Variants in PCDH9 observed in about 807,000 individuals in gnomAD.
PCDH9 encodes protocadherin 9.
A neutral mutation model predicts 70.6 loss-of-function variants in PCDH9; 24 were observed. The observed-to-expected ratio is 0.34, with a 90% CI of 0.25 to 0.48. The LOEUF is 0.48. Among genes scored for constraint, PCDH9 ranks in the 20% least tolerant of loss-of-function variants. The pLI is 0.99. For synonymous variants in PCDH9, 562 were observed against 558.5 expected (o/e 1.01, Z -0.09); for missense variants, 1,281 against 1,503.6 (o/e 0.85, Z 2.45).
At chr13:66,598,152 G>A (rs1018728173) in intron 4 of PCDH9, among the ~76,000 whole-genome samples, 5 of 151,688 alleles carry the variant, frequency 3.3e-5, no homozygotes, top group African/African-American at 1.2e-4. Context: ...AAAATGGCGT[G>A]ACCACTACAG....
At chr13:66,736,760 T>C (rs1440610296) in intron 3 of PCDH9, among the ~76,000 whole-genome samples, 1 of 152,048 alleles carries the variant, frequency 6.6e-6, no homozygotes, top group Non-Finnish European at 1.5e-5. Flanking sequence ...CTTACAAGAG[T>C]CTCATTTCTA....
chr13:67,087,282 A>T (rs1566415850), intron 2 of PCDH9, among the ~76,000 whole-genome samples: 1 of 151,542 alleles, frequency 6.6e-6, no homozygotes. Flanking sequence ...TGTGCTAAAA[A>T]CTCTCACTAG....
Position 67,007,812 on chromosome 13 carries a change from G to A in PCDH9, c.3037-104207C>T, listed in dbSNP as rs1431455287. 3.3e-5 allele frequency among the ~76,000 whole-genome samples: 5 copies of A among 152,084 alleles called. No individual in the cohort carries two copies. The East Asian group carries it at 9.6e-4, about 29-fold the overall frequency. Reference sequence around the variant, plus strand: ...GCATATGGTTAACACTTTTCTCCAGGTGTCTTTCCTGAATTTGAGAGTGGT... The same window carrying A: ...GCATATGGTTAACACTTTTCTCCAGATGTCTTTCCTGAATTTGAGAGTGGT... On this transcript the variant is annotated intron_variant, in intron 2 of 4. Coordinates refer to ENST00000377865, the MANE Select transcript of PCDH9 (RefSeq NM_203487.3).
rs181570286 is a variant in PCDH9 at position 66,331,388 on chromosome 13, G to A, written c.3341-26360C>T. Reference sequence around the variant, plus strand: ...ATTATTATGGGAGCCCTCTGGCCCCGAACTTCATGAGCGCCAGAGGAGAAG... The same window carrying A: ...ATTATTATGGGAGCCCTCTGGCCCCAAACTTCATGAGCGCCAGAGGAGAAG... On this transcript the variant is annotated intron_variant, in intron 4 of 4. Coordinates refer to ENST00000377865, the MANE Select transcript of PCDH9 (RefSeq NM_203487.3). 2.1e-3 allele frequency among the ~76,000 whole-genome samples: 326 copies of A among 152,146 alleles called. 2 individuals carry two copies. The highest frequency in any genetic ancestry group is 2.1e-3 in the South Asian group (10 of 4,824).
At chr13:66,870,551 A>G (rs2081658561) in intron 3 of PCDH9, among the ~76,000 whole-genome samples, 1 of 152,208 alleles carries the variant, frequency 6.6e-6, no homozygotes, top group Non-Finnish European at 1.5e-5. Flanking sequence ...GAAAAAAACA[A>G]ACAACCCCAT....
At chr13:67,092,964 A>G (rs977961570) in intron 2 of PCDH9, among the ~76,000 whole-genome samples, 1 of 152,140 alleles carries the variant, frequency 6.6e-6, no homozygotes, top group Non-Finnish European at 1.5e-5. Flanking sequence ...GAAGGGGGAA[A>G]AAAAAACTAT....
chr13:66,609,212 C>T (rs1244251823), intron 4 of PCDH9, among the ~76,000 whole-genome samples: 1 of 152,006 alleles, frequency 6.6e-6, no homozygotes, highest in Admixed American at 6.6e-5. Flanking sequence ...GTCTATCTGC[C>T]TGCAGTTAAT....
At chr13:66,578,970 T>C (rs1160331260) in intron 4 of PCDH9, among the ~76,000 whole-genome samples, 1 of 152,084 alleles carries the variant, frequency 6.6e-6, no homozygotes, top group Non-Finnish European at 1.5e-5. Context: ...TGCAATTCCA[T>C]CATTGACCCT....
intron 2 of PCDH9, among the ~76,000 whole-genome samples, chr13:67,053,142 A>G (rs1313795403): frequency 6.6e-6 from 1 of 152,050 alleles, no homozygotes; most frequent in African/African-American, 2.4e-5. Flanking sequence ...AGCACAATCT[A>G]CAAGCAGAAA....
At chr13:66,647,189 G>A (rs574793220) in intron 3 of PCDH9, among the ~76,000 whole-genome samples, 2 of 152,274 alleles carry the variant, frequency 1.3e-5, no homozygotes, top group East Asian at 1.9e-4. Flanking sequence ...TTGGGGAGTA[G>A]GTGACTTAGT....
Position 67,227,167 on chromosome 13 carries a change from G to A in PCDH9, c.1274C>T (p.Ser425Phe), listed in dbSNP as rs754719709. 2 of 1,613,454 alleles carry A rather than the reference G, an allele frequency of 1.2e-6. No individual in the cohort carries two copies. The highest frequency in any genetic ancestry group is 2.2e-5 in the South Asian group (2 of 91,064). The change falls in exon 2 of 5, where the codon TCT becomes TTT. Residue 425 changes from serine to phenylalanine, a missense_variant. This residue lies in a region of PCDH9 where 798 missense variants were observed against 1,003.1 expected (regional missense o/e 0.80). Coordinates refer to ENST00000377865, the MANE Select transcript of PCDH9 (RefSeq NM_203487.3). The surrounding 1 kb of genome is among the most constrained non-coding windows in gnomAD (Gnocchi z 4.6). ...YDNQYLLETS[S>F]LLDYEGTKEF... is the part of the protein sequence containing the mutation. ...TTTGGTGCCCTCATAGTCCAACAAA[G>A]AAGAGGTCTCTAACAAATATTGGTT...
At chr13:66,340,590 T>C (rs552874054) in intron 4 of PCDH9, among the ~76,000 whole-genome samples, 19 of 152,324 alleles carry the variant, frequency 1.2e-4, no homozygotes, top group African/African-American at 4.1e-4. Flanking sequence ...TATGTGCCAC[T>C]TCACACTTCA....
intron 2 of PCDH9, among the ~76,000 whole-genome samples, chr13:67,021,272 A>G (rs892256447): frequency 1.3e-5 from 2 of 152,184 alleles, no homozygotes; most frequent in Non-Finnish European, 2.9e-5. Context: ...GAAGAGATTA[A>G]GTGGAATTCT....
At chr13:66,535,183 T>C (rs1226967323) in intron 4 of PCDH9, among the ~76,000 whole-genome samples, 1 of 152,036 alleles carries the variant, frequency 6.6e-6, no homozygotes, top group African/African-American at 2.4e-5. Context: ...CTTCAGAACA[T>C]GAAACACTAG....
At chr13:66,445,766 CAT>C (rs559747536) in intron 4 of PCDH9, among the ~76,000 whole-genome samples, 136 of 141,166 alleles carry the variant, frequency 9.6e-4, no homozygotes, top group African/African-American at 1.3e-3. Context: ...AATACATACA[CAT>C]ATATATTATA....
At chr13:66,861,060 C>T (rs1245325679) in intron 3 of PCDH9, among the ~76,000 whole-genome samples, 1 of 152,144 alleles carries the variant, frequency 6.6e-6, no homozygotes, top group African/African-American at 2.4e-5. Context: ...TTTACTGAGA[C>T]TTGCTGAATT....
intron 4 of PCDH9, among the ~76,000 whole-genome samples, chr13:66,389,080 A>T (rs1055726293): frequency 1.3e-5 from 2 of 152,164 alleles, no homozygotes; most frequent in African/African-American, 4.8e-5. Context: ...GCATTTGTAA[A>T]ATCATTGTAG....
At chr13:67,022,723 C>T (rs1277276446) in intron 2 of PCDH9, among the ~76,000 whole-genome samples, 1 of 152,102 alleles carries the variant, frequency 6.6e-6, no homozygotes, top group Non-Finnish European at 1.5e-5. Context: ...ACACCCTCAC[C>T]TATTTTAAAA....
Position 66,304,569 on chromosome 13 carries a change from G to T in PCDH9, c.*86C>A. The stretch of plus-strand genomic sequence containing the variant: ...TATCCCTGCTAGAAGGGGCATAGTT[G>T]TAGAGATCTATTGAATACATAAAGC... On this transcript the variant is annotated 3_prime_UTR_variant, in exon 5 of 5. Coordinates refer to ENST00000377865, the MANE Select transcript of PCDH9 (RefSeq NM_203487.3). The T allele has an allele frequency of 9.6e-7, 1 of 1,037,368 alleles. No homozygotes were observed. Among genetic ancestry groups the T allele is most frequent in the Non-Finnish European group, 1.5e-6 (1 of 688,102 alleles). The allele number at this position is 1,037,368 out of a possible 1,614,324, so 64.3% of individuals were successfully genotyped here.
Sources: gnomAD v4.1 joint callset for allele counts (sites outside exome capture counted in the v4.1 genomes callset) on GRCh38, gnomAD v4.1.1 for gene constraint, gnomAD v4.1.1 regional missense constraint, Gnocchi (gnomAD v3.1) non-coding constraint, MANE v1.5 for transcripts, NCBI Gene and HGNC (gene_info 2026-07-23, HGNC 2026-07-21) for gene names.